PAK1: variants seen among roughly 807,000 people sequenced by gnomAD.
The protein encoded by PAK1 is serine/threonine-protein kinase PAK 1.
In PAK1, 29 loss-of-function variants were observed where a neutral mutation model predicts 67.4. The ratio of observed to expected loss-of-function variants is 0.43; its 90% CI spans 0.32 to 0.59. The LOEUF (loss-of-function observed/expected upper bound fraction) is 0.59, where lower values mean the gene tolerates loss of function less well. Among genes scored for constraint, PAK1 ranks in the 20% least tolerant of loss-of-function variants. The pLI, the probability that PAK1 is intolerant of heterozygous loss-of-function variation, is 0.07. For synonymous variants in PAK1, 223 were observed against 237.4 expected (o/e 0.94, Z 0.56); for missense variants, 337 against 670.7 (o/e 0.50, Z 5.50).
intron 9 of PAK1, 188 bp from the exon 10 acceptor site, chr11:77,344,119 T>G: frequency 1.8e-6 from 1 of 540,704 alleles, no homozygotes; most frequent in Non-Finnish European, 3.3e-6. Flanking sequence ...AGCATCATCA[T>G]CATCTGGGAG....
At chr11:77,498,218 A>G in the PAK1 span, among the ~76,000 whole-genome samples, 1 of 152,338 alleles carries the variant, frequency 6.6e-6, no homozygotes, top group African/African-American at 2.4e-5. Flanking sequence ...GTAATATGTT[A>G]ACATTAGGGG....
At chr11:77,402,952 C>T (rs1952919286) in intron 1 of PAK1, among the ~76,000 whole-genome samples, 2 of 152,166 alleles carry the variant, frequency 1.3e-5, no homozygotes, top group African/African-American at 4.8e-5. Context: ...TTCCCTCCCC[C>T]TATGGTGACT....
the PAK1 span, among the ~76,000 whole-genome samples, chr11:77,491,710 A>G: frequency 2.0e-5 from 3 of 152,186 alleles, no homozygotes; most frequent in African/African-American, 7.2e-5. Flanking sequence ...AAAAAGCAAG[A>G]TATTAAAACA....
chr11:77,433,498 G>T (rs1955957888), intron 1 of PAK1, among the ~76,000 whole-genome samples: 1 of 152,138 alleles, frequency 6.6e-6, no homozygotes, highest in Admixed American at 6.6e-5. Context: ...GTAAAAAAGA[G>T]GCTGGGCGCA....
chr11:77,433,332 T>C (rs1474543653), intron 1 of PAK1, among the ~76,000 whole-genome samples: 2 of 152,106 alleles, frequency 1.3e-5, no homozygotes, highest in African/African-American at 4.8e-5. Context: ...AAGAACTAAA[T>C]AAACTGGACT....
chr11:77,360,518 C>A (rs1191096847), intron 5 of PAK1, among the ~76,000 whole-genome samples: 1 of 152,104 alleles, frequency 6.6e-6, no homozygotes, highest in East Asian at 1.9e-4. Flanking sequence ...AACTAAAAAC[C>A]TAATGTGGGA....
chr11:77,362,324 G>A (rs531616686), intron 5 of PAK1, among the ~76,000 whole-genome samples: 2 of 152,030 alleles, frequency 1.3e-5, no homozygotes, highest in African/African-American at 2.4e-5. Context: ...GATCTCAAAC[G>A]TCCTCTGTTG....
chr11:77,355,595 C>T (rs1202663556), intron 7 of PAK1, 73 bp downstream of exon 7: 98 of 1,295,202 alleles, frequency 7.6e-5, no homozygotes, highest in South Asian at 5.6e-4. Flanking sequence ...TGGACCAAGC[C>T]TACGACCAGC....
intron 13 of PAK1, among the ~76,000 whole-genome samples, chr11:77,333,194 CTT>C (rs886805892): frequency 0.015 from 1,844 of 126,868 alleles, 18 homozygotes; most frequent in African/African-American, 0.049. Context: ...TCTTCTTCTT[CTT>C]TTTTTTTTTT....
the PAK1 span, among the ~76,000 whole-genome samples, chr11:77,525,182 CAAAAAA>C: frequency 9.3e-6 from 1 of 107,122 alleles, no homozygotes; most frequent in Non-Finnish European, 2.0e-5. Flanking sequence ...CCACCCCTAT[CAAAAAA>C]AAAAAAAAAA....
intron 1 of PAK1, among the ~76,000 whole-genome samples, chr11:77,447,252 G>T (rs1396823696): frequency 2.0e-5 from 3 of 152,146 alleles, no homozygotes; most frequent in Non-Finnish European, 4.4e-5. Flanking sequence ...CTTTGTGTTT[G>T]GGCTCTCCCT....
intron 1 of PAK1, among the ~76,000 whole-genome samples, chr11:77,435,314 G>A (rs1311692267): frequency 2.0e-5 from 3 of 152,110 alleles, no homozygotes; most frequent in Non-Finnish European, 4.4e-5. Flanking sequence ...GTCAAGTTGA[G>A]GTCAAATCCT....
the PAK1 span, among the ~76,000 whole-genome samples, chr11:77,480,439 G>A: frequency 6.6e-6 from 1 of 150,524 alleles, no homozygotes; most frequent in Admixed American, 6.6e-5. Flanking sequence ...TTTATTAAAG[G>A]TGTTTAATAT....
At chr11:77,344,892 C>T (rs532727621) in intron 9 of PAK1, among the ~76,000 whole-genome samples, 1 of 152,308 alleles carries the variant, frequency 6.6e-6, no homozygotes, top group African/African-American at 2.4e-5. Flanking sequence ...ACTTTACTTC[C>T]AACTCTATTC....
At chr11:77,351,879 C>CT (rs1945299104) in intron 8 of PAK1, among the ~76,000 whole-genome samples, 3 of 134,314 alleles carry the variant, frequency 2.2e-5, no homozygotes, top group African/African-American at 9.1e-5. Flanking sequence ...TTAGAAATCT[C>CT]ATTTTTTTTT....
intron 2 of PAK1, among the ~76,000 whole-genome samples, chr11:77,389,028 C>T (rs1390499027): frequency 6.6e-6 from 1 of 152,156 alleles, no homozygotes; most frequent in Non-Finnish European, 1.5e-5. Flanking sequence ...AATTTTAGAA[C>T]ATTTCATCAC....
At position 77,473,725 on chromosome 11, in the gene PAK1, G is replaced by A. The variant is rs1190243319; in HGVS notation, c.-195C>T. On this transcript the variant is annotated 5_prime_UTR_variant, in exon 1 of 15. Transcript: ENST00000356341. ...CCCCTCAGGACAGGGGAACTGCGAG[G>A]GAAGGGATGATGGGGGGGCGGGAGG... The A allele has an allele frequency of 1.4e-5, 2 of 145,628 alleles. No individual in the cohort carries two copies. The highest frequency in any genetic ancestry group is 5.0e-5 in the African/African-American group (2 of 40,198). The allele number at this position is 145,628 out of a possible 1,614,324, so 9.0% of individuals were successfully genotyped here.
At chr11:77,468,478 TAGAAAAATGTAG>T (rs1435910617) in intron 1 of PAK1, among the ~76,000 whole-genome samples, 1 of 152,040 alleles carries the variant, frequency 6.6e-6, no homozygotes, top group Non-Finnish European at 1.5e-5. Context: ...ACAAAAAGGG[TAGAAAAATGTAG>T]CACATTAAGT....
chr11:77,500,898 C>G, the PAK1 span, among the ~76,000 whole-genome samples: 3 of 152,168 alleles, frequency 2.0e-5, no homozygotes, highest in Admixed American at 1.3e-4. Context: ...GCCAGCTAGC[C>G]TCTGGGCTCC....
Sources: allele counts gnomAD v4.1 joint callset (sites outside exome capture counted in the v4.1 genomes callset), GRCh38; gene constraint gnomAD v4.1.1; transcripts MANE v1.5; gene names NCBI Gene and HGNC (gene_info 2026-07-23, HGNC 2026-07-21).